Variants in PLK4 observed in about 807,000 individuals in gnomAD.
PLK4 encodes serine/threonine-protein kinase PLK4.
Under a neutral mutation model 103.0 loss-of-function variants are expected in PLK4, and 51 were observed. That is an observed-to-expected ratio of 0.50 (90% CI 0.40 to 0.63). PLK4 has a LOEUF of 0.63. Among genes scored for constraint, PLK4 ranks in the 20% least tolerant of loss-of-function variants. The probability of loss-of-function intolerance (pLI) is 0.00; values close to 1 mark genes in which losing one functional copy is unlikely to be tolerated. For synonymous variants in PLK4, 389 were observed against 376.8 expected, an observed-to-expected ratio of 1.03 and a Z score of -0.38; for missense variants, 1,054 against 1,151.0, an observed-to-expected ratio of 0.92 and a Z score of 1.22.
At chr4:127,881,287 G>A (rs1009048422) in intron 1 of PLK4, 123 bp downstream of exon 1, 21 of 1,560,314 alleles carry the variant, frequency 1.3e-5, no homozygotes, top group South Asian at 1.3e-4. Flanking sequence ...GGTGCTTAGG[G>A]AGGGTCCCAA....
chr4:127,893,633 G>T (rs1012985482), intron 12 of PLK4, 29 bp downstream of exon 12: 5 of 1,579,652 alleles, frequency 3.2e-6, no homozygotes, highest in Admixed American at 3.5e-5. Flanking sequence ...TAAACATATG[G>T]CTAAAATGTT....
intron 4 of PLK4, 138 bp downstream of exon 4, chr4:127,883,691 A>T (rs1735016504): frequency 2.1e-6 from 1 of 483,712 alleles, no homozygotes; most frequent in East Asian, 3.1e-5. Context: ...AGAAAAGGAG[A>T]TTTCCTACAT....
At chr4:127,887,871 CAAA>C (rs34675793) in intron 6 of PLK4, among the ~76,000 whole-genome samples, 4 of 40,398 alleles carry the variant, frequency 9.9e-5, no homozygotes, top group Non-Finnish European at 1.9e-4. Context: ...GAGACCCTGT[CAAA>C]AAAAAAAAAA....
chr4:127,883,626 G>A, intron 4 of PLK4, 73 bp downstream of exon 4: 1 of 664,814 alleles, frequency 1.5e-6, no homozygotes. Context: ...GTAGTTTTGA[G>A]GAATATGCTA....
chr4:127,893,608 A>C lies in PLK4; in HGVS notation c.2414+4A>C, dbSNP rs141246117. ...TTTTCCCAATAATCATAGGAAGGTA[A>C]ATGTCTGAAAATTTTAAACATATGG... is the stretch of plus-strand genomic sequence containing the variant. On this transcript the variant is annotated splice_donor_region_variant and intron_variant, in intron 12 of 15. Transcript: ENST00000270861. 41 of 1,600,732 alleles carry C rather than the reference A, an allele frequency of 2.6e-5. No individual in the cohort carries two copies. In the African/African-American group the frequency reaches 4.6e-4, roughly 18 times the overall value.
rs757636520 is a variant in PLK4, at chr4:127,893,512, G to C, written c.2323-1G>C. 1 of 1,608,860 alleles carries C rather than the reference G, an allele frequency of 6.2e-7. No individual in the cohort carries two copies. Among genetic ancestry groups the C allele is most frequent in the South Asian group, 1.1e-5 (1 of 89,974 alleles). On this transcript the variant is annotated splice_acceptor_variant, in intron 11 of 15. Coordinates refer to ENST00000270861, the MANE Select transcript of PLK4 (RefSeq NM_014264.5). LOFTEE classifies it high-confidence loss of function. ...ACAGAAGCACTCTTCTTTTGAAATAGGGTCATCGTATTTGTTTAGCACTGG... is the reference window on the plus strand; with the variant it reads ...ACAGAAGCACTCTTCTTTTGAAATACGGTCATCGTATTTGTTTAGCACTGG...
rs1005816595 is a variant in PLK4, at chr4:127,892,345, T to G, written c.2039-20T>G. The G allele has an allele frequency of 5.3e-6, 8 of 1,504,262 alleles. No individual in the cohort carries two copies. The highest frequency in any genetic ancestry group is 7.2e-6 in the Non-Finnish European group (8 of 1,105,582). 93.2% of individuals were successfully genotyped at this position (1,504,262 alleles called of 1,614,324 possible). ...AGGTCAACACTTTCTTCCCTAATGTTAAGTATTTTTTTTCCTTAGAAAAAT... is the reference window on the plus strand; with the variant it reads ...AGGTCAACACTTTCTTCCCTAATGTGAAGTATTTTTTTTCCTTAGAAAAAT... On this transcript the variant is annotated intron_variant, in intron 9 of 15. Transcript: ENST00000270861.
At chr4:127,888,860 G>T (rs910251796) in intron 6 of PLK4, among the ~76,000 whole-genome samples, 2 of 152,106 alleles carry the variant, frequency 1.3e-5, no homozygotes, top group African/African-American at 2.4e-5. Flanking sequence ...ATGTTATCTT[G>T]AGTCTATTCT....
intron 6 of PLK4, among the ~76,000 whole-genome samples, chr4:127,888,841 G>T (rs935773399): frequency 3.3e-5 from 5 of 152,044 alleles, no homozygotes; most frequent in Non-Finnish European, 5.9e-5. Context: ...AATTTAATCA[G>T]AGAGTTGTAT....
rs773626114 is a variant in PLK4 at position 127,885,695 on chromosome 4, A to G, written c.338-13A>G. ...TTCTAAATTGTAAATTCTCTTTTTTAAAATCCTAACAGCTCGACACTTCAT... is the reference window on the plus strand; with the variant it reads ...TTCTAAATTGTAAATTCTCTTTTTTGAAATCCTAACAGCTCGACACTTCAT... On this transcript the variant is annotated splice_polypyrimidine_tract_variant and intron_variant, in intron 4 of 15. Transcript: ENST00000270861. 27 of 1,572,530 alleles carry G rather than the reference A, an allele frequency of 1.7e-5. No individual in the cohort carries two copies. The highest frequency in any genetic ancestry group is 4.5e-5 in the East Asian group (2 of 44,606).
intron 5 of PLK4, 114 bp downstream of exon 5, chr4:127,886,842 A>AT (rs1735156426): frequency 1.6e-6 from 1 of 620,232 alleles, no homozygotes; most frequent in African/African-American, 1.9e-5. Flanking sequence ...AAAAAAAAAA[A>AT]CCACTGTCAT....
chr4:127,881,028 G>A lies in PLK4; in HGVS notation c.-107G>A. The A allele has an allele frequency of 7.6e-7, 1 of 1,316,954 alleles. No homozygotes were observed. Among genetic ancestry groups the A allele is most frequent in the Non-Finnish European group, 1.1e-6 (1 of 922,878 alleles). The allele number at this position is 1,316,954 out of a possible 1,614,324, so 81.6% of individuals were successfully genotyped here. On this transcript the variant is annotated 5_prime_UTR_variant, in exon 1 of 16. Transcript: ENST00000270861. ...TCGTCGCCTGGAGCGGCGGTTTAGAGAGCCGAGCCTGATGGGCGCCAAGGC... is the reference window on the plus strand; with the variant it reads ...TCGTCGCCTGGAGCGGCGGTTTAGAAAGCCGAGCCTGATGGGCGCCAAGGC...
At chr4:127,889,717 G>T in intron 6 of PLK4, 149 bp from the exon 7 acceptor site, 1 of 596,264 alleles carries the variant, frequency 1.7e-6, no homozygotes, top group African/African-American at 1.9e-5. Context: ...CTGCTTATTT[G>T]TTAGAAAATT....
rs1735121936 is a variant in PLK4, at chr4:127,886,251, T to G, written c.881T>G (p.Ile294Ser). 3.1e-6 allele frequency: 5 copies of G among 1,614,018 alleles called. No individual in the cohort carries two copies. Among genetic ancestry groups the G allele is most frequent in the Non-Finnish European group, 1.7e-6 (2 of 1,179,864 alleles). The change falls in exon 5 of 16, where the codon ATT (isoleucine) becomes AGT (serine). Residue 294 changes from isoleucine (I) to serine (S), a missense_variant. Around this residue, in one of 4 missense-constraint regions of PLK4, gnomAD observed 680 missense variants for 660.3 expected, o/e 1.03. Coordinates refer to ENST00000270861, the MANE Select transcript of PLK4 (RefSeq NM_014264.5). ...GGGCATGCCACAATTTCTACTGCAA[T>G]TACAGCTTCTTCCAGTACCAGTATA... Reference protein sequence around the residue: ...DSGHATISTAITASSSTSISG... With the variant: ...DSGHATISTASTASSSTSISG...
chr4:127,880,933 C>CA lies in PLK4; in HGVS notation c.-198dup. On this transcript the variant is annotated 5_prime_UTR_variant, in exon 1 of 16. The change creates a new upstream start codon in the 5' untranslated region. Coordinates refer to ENST00000270861, the MANE Select transcript of PLK4 (RefSeq NM_014264.5). Reference sequence around the variant, plus strand: ...CGGACGGCAAGCGGCGGGAGATTTTCAAAATGGGAGCCCAGAGGCACCGCC... The same window carrying CA: ...CGGACGGCAAGCGGCGGGAGATTTTCAAAAATGGGAGCCCAGAGGCACCGCC... 1.7e-6 allele frequency: 1 copy of CA among 600,778 alleles called. No individual in the cohort carries two copies. Among genetic ancestry groups the CA allele is most frequent in the Non-Finnish European group, 2.9e-6 (1 of 340,686 alleles). 37.2% of individuals were successfully genotyped at this position (600,778 alleles called of 1,614,324 possible).
Position 127,898,590 on chromosome 4 carries a change from A to G in PLK4, c.*49A>G. On this transcript the variant is annotated 3_prime_UTR_variant, in exon 16 of 16. Coordinates refer to ENST00000270861, the MANE Select transcript of PLK4 (RefSeq NM_014264.5). ...AGTTTAATAAATAACTTTTTTGTTGACTTTCAAGTAAAGTGATTTTTTTTA... is the reference window on the plus strand; with the variant it reads ...AGTTTAATAAATAACTTTTTTGTTGGCTTTCAAGTAAAGTGATTTTTTTTA... 1.1e-6 allele frequency: 1 copy of G among 879,012 alleles called. No individual in the cohort carries two copies. The highest frequency in any genetic ancestry group is 1.8e-6 in the Non-Finnish European group (1 of 545,076). 54.5% of individuals were successfully genotyped at this position (879,012 alleles called of 1,614,324 possible).
Position 127,893,802 on chromosome 4 carries a change from C to CGA in PLK4, c.2493_2494dup (p.Ala832GlufsTer47). 6.2e-7 allele frequency: 1 copy of CGA among 1,612,122 alleles called. No individual in the cohort carries two copies. The highest frequency in any genetic ancestry group is 8.5e-7 in the Non-Finnish European group (1 of 1,178,232). ...CCTTCTGTGGATTCAAATTACCCAA[C>CGA]GAGAGAGAGAGCATCTTTCAACAGA... On this transcript the variant is annotated frameshift_variant, in exon 13 of 16. Transcript: ENST00000270861. LOFTEE classifies it high-confidence loss of function.
At chr4:127,887,954 C>T (rs1735200057) in intron 6 of PLK4, among the ~76,000 whole-genome samples, 1 of 149,432 alleles carries the variant, frequency 6.7e-6, no homozygotes, top group African/African-American at 2.5e-5. Flanking sequence ...CCAAGCCAGG[C>T]AGGTAACTTG....
In PLK4 at chr4:127,890,094, G is replaced by A. The variant is rs1392199660; in HGVS notation, c.1688G>A (p.Gly563Asp). 2 of 1,613,848 alleles carry A rather than the reference G, an allele frequency of 1.2e-6. No individual in the cohort carries two copies. The highest frequency in any genetic ancestry group is 2.2e-5 in the East Asian group (1 of 44,892). The stretch of plus-strand genomic sequence containing the variant: ...ATAATCCAACAAGAATGTGTTTTTG[G>A]CTCAGATCCTCTTTCTGAACAGAGC... ...PEIIQQECVF[G>D]SDPLSEQSKT... The change falls in exon 7 of 16, where the codon GGC (glycine) becomes GAC (aspartate). Residue 563 changes from glycine (G) to aspartate (D), a missense_variant. Around this residue, in one of 4 missense-constraint regions of PLK4, gnomAD observed 680 missense variants for 660.3 expected, o/e 1.03. Coordinates refer to ENST00000270861, the MANE Select transcript of PLK4 (RefSeq NM_014264.5).
Sources: gnomAD v4.1 joint callset for allele counts (sites outside exome capture counted in the v4.1 genomes callset) on GRCh38, gnomAD v4.1.1 for gene constraint, gnomAD v4.1.1 regional missense constraint, MANE v1.5 for transcripts, NCBI Gene and HGNC (gene_info 2026-07-23, HGNC 2026-07-21) for gene names.